Variants in CNIH3 observed in about 807,000 individuals in gnomAD.
The protein encoded by CNIH3 is cornichon family AMPA receptor auxiliary protein 3, also known as protein cornichon homolog 3.
Under a neutral mutation model 24.1 loss-of-function variants are expected in CNIH3, and 14 were observed. The ratio of observed to expected loss-of-function variants is 0.58; its 90% CI spans 0.38 to 0.91. The LOEUF is 0.91. CNIH3 is among the 40% of genes least tolerant of loss of function. The pLI is 0.00. For missense variants in CNIH3, 178 were observed against 196.8 expected (o/e 0.90, Z 0.57); for synonymous variants, 68 against 73.8 (o/e 0.92, Z 0.40).
intron 1 of CNIH3, among the ~76,000 whole-genome samples, chr1:224,520,245 A>G (rs1426820036): frequency 2.0e-5 from 3 of 152,264 alleles, no homozygotes; most frequent in Non-Finnish European, 4.4e-5. Context: ...ATGCAGCACA[A>G]CATCTCTCAA....
At chr1:224,712,822 A>G (rs1558323643) in intron 3 of CNIH3, among the ~76,000 whole-genome samples, 1 of 152,110 alleles carries the variant, frequency 6.6e-6, no homozygotes, top group Non-Finnish European at 1.5e-5. Flanking sequence ...TGGTTGTTTC[A>G]TTCTGGCTCT....
At chr1:224,662,829 A>T (rs1406474883) in intron 1 of CNIH3, among the ~76,000 whole-genome samples, 3 of 152,196 alleles carry the variant, frequency 2.0e-5, no homozygotes, top group Non-Finnish European at 4.4e-5. Context: ...CCAGTTTATG[A>T]ACATGTTCAT....
intron 2 of CNIH3, among the ~76,000 whole-genome samples, chr1:224,535,871 G>A (rs1679263038): frequency 1.3e-5 from 2 of 152,244 alleles, no homozygotes; most frequent in Non-Finnish European, 2.9e-5. Context: ...CTGCCTAGTG[G>A]GATCTGTGGC....
intron 1 of CNIH3, among the ~76,000 whole-genome samples, chr1:224,646,124 A>G (rs1684592997): frequency 6.6e-6 from 1 of 151,844 alleles, no homozygotes; most frequent in Admixed American, 6.6e-5. Flanking sequence ...TAAGATAGTA[A>G]CTCTAACGTA....
chr1:224,648,725 C>T (rs1320416348), intron 1 of CNIH3, among the ~76,000 whole-genome samples: 2 of 152,092 alleles, frequency 1.3e-5, no homozygotes, highest in African/African-American at 4.8e-5. Context: ...TAAGGAACAA[C>T]CTGTAAGGCC....
chr1:224,436,582 A>G (rs181427548), intron 1 of CNIH3, among the ~76,000 whole-genome samples: 3 of 152,342 alleles, frequency 2.0e-5, no homozygotes, highest in African/African-American at 7.2e-5. Flanking sequence ...ATTTTTAGGT[A>G]ACCAACACTG....
At chr1:224,730,339 C>T in intron 3 of CNIH3, 123 bp from the exon 4 acceptor site, 1 of 640,752 alleles carries the variant, frequency 1.6e-6, no homozygotes. Flanking sequence ...TACGTTGCTG[C>T]AGGGAGGGCC....
At chr1:224,455,923 A>C (rs891727921) in intron 1 of CNIH3, among the ~76,000 whole-genome samples, 2 of 152,254 alleles carry the variant, frequency 1.3e-5, no homozygotes, top group Admixed American at 6.5e-5. Flanking sequence ...TTGAATATGA[A>C]TACTACCAGT....
At position 224,705,117 on chromosome 1, in the gene CNIH3, A is replaced by AAAAAAT. The variant is rs572351893; in HGVS notation, c.198+20290_198+20295dup. Among the ~76,000 whole-genome samples the AAAAAAT allele has an allele frequency of 1.0e-2, 1,517 of 152,230 alleles. 82 individuals carry two copies. The highest frequency in any genetic ancestry group is 0.088 in the Admixed American group (1,344 of 15,254). On this transcript the variant is annotated intron_variant, in intron 3 of 5. Coordinates refer to ENST00000272133, the MANE Select transcript of CNIH3 (RefSeq NM_152495.2). ...TGGACAAGAGCGAGACTCCCTCTCA[A>AAAAAAT]AAAAATAAAAATAAAAATAAATCAG...
chr1:224,630,207 C>G (rs1240455929), intron 1 of CNIH3, among the ~76,000 whole-genome samples: 1 of 152,122 alleles, frequency 6.6e-6, no homozygotes, highest in Non-Finnish European at 1.5e-5. Context: ...TCATTAAAAC[C>G]TTATTTGCAT....
At chr1:224,524,068 A>G (rs1305598130) in intron 2 of CNIH3, among the ~76,000 whole-genome samples, 2 of 152,240 alleles carry the variant, frequency 1.3e-5, no homozygotes, top group African/African-American at 4.8e-5. Context: ...TTGCTTTGCC[A>G]GAAAACTCCC....
chr1:224,451,326 A>G (rs1307595314), intron 1 of CNIH3, among the ~76,000 whole-genome samples: 1 of 152,212 alleles, frequency 6.6e-6, no homozygotes, highest in Non-Finnish European at 1.5e-5. Context: ...AAAAGACCCA[A>G]GAGTTCTGTT....
intron 3 of CNIH3, among the ~76,000 whole-genome samples, chr1:224,724,141 G>A (rs1688892329): frequency 6.6e-6 from 1 of 152,202 alleles, no homozygotes; most frequent in South Asian, 2.1e-4. Flanking sequence ...TTTGTCTTAT[G>A]GCTTAAAACT....
chr1:224,621,471 G>A (rs1446822265), intron 1 of CNIH3, among the ~76,000 whole-genome samples: 1 of 152,174 alleles, frequency 6.6e-6, no homozygotes, highest in African/African-American at 2.4e-5. Flanking sequence ...ACTCAGATGA[G>A]GGTACTGCAC....
At chr1:224,530,600 T>C (rs1002082124) in intron 2 of CNIH3, among the ~76,000 whole-genome samples, 31 of 152,064 alleles carry the variant, frequency 2.0e-4, no homozygotes, top group African/African-American at 7.0e-4. Flanking sequence ...TCTTTTTTTT[T>C]TCTTTTTTTC....
At chr1:224,595,105 G>A (rs1414867823) in intron 3 of CNIH3, among the ~76,000 whole-genome samples, 5 of 152,204 alleles carry the variant, frequency 3.3e-5, no homozygotes, top group Non-Finnish European at 5.9e-5. Flanking sequence ...GGAGTGCAGG[G>A]AAGTGATCAG....
At chr1:224,643,099 C>T (rs1485875505) in intron 1 of CNIH3, among the ~76,000 whole-genome samples, 2 of 152,142 alleles carry the variant, frequency 1.3e-5, no homozygotes, top group African/African-American at 4.8e-5. Context: ...ATGGTCGAGG[C>T]GTGTGTTTGG....
chr1:224,474,073 C>T (rs1017628795), intron 1 of CNIH3, among the ~76,000 whole-genome samples: 12 of 152,174 alleles, frequency 7.9e-5, no homozygotes, highest in African/African-American at 2.6e-4. Context: ...GATAAAAAAA[C>T]GAAAGTTTTG....
intron 3 of CNIH3, among the ~76,000 whole-genome samples, chr1:224,602,142 C>A (rs1682235080): frequency 6.6e-6 from 1 of 152,154 alleles, no homozygotes; most frequent in African/African-American, 2.4e-5. Context: ...AACCATTTCA[C>A]AGAAAATGAA....
Sources: allele counts gnomAD v4.1 joint callset (sites outside exome capture counted in the v4.1 genomes callset), GRCh38; gene constraint gnomAD v4.1.1; transcripts MANE v1.5; gene names NCBI Gene and HGNC (gene_info 2026-07-23, HGNC 2026-07-21).